Variants in NRBP2 observed in about 807,000 individuals in gnomAD.
The protein encoded by NRBP2 is nuclear receptor binding protein 2.
A neutral mutation model predicts 74.4 loss-of-function variants in NRBP2; 47 were observed. The observed-to-expected ratio is 0.63, with a 90% CI of 0.50 to 0.81. The LOEUF (loss-of-function observed/expected upper bound fraction) is 0.81, where lower values mean the gene tolerates loss of function less well. NRBP2 is among the 30% of genes least tolerant of loss of function. The probability of loss-of-function intolerance (pLI) is 0.00; values close to 1 mark genes in which losing one functional copy is unlikely to be tolerated. For synonymous variants in NRBP2, 312 were observed against 273.8 expected, an observed-to-expected ratio of 1.14 and a Z score of -1.38; for missense variants, 613 against 690.1, an observed-to-expected ratio of 0.89 and a Z score of 1.25.
chr8:143,830,265 C>CAGCG (rs1445423227), downstream of NRBP2, among the ~76,000 whole-genome samples: 5 of 152,368 alleles, frequency 3.3e-5, no homozygotes, highest in Admixed American at 3.3e-4. Context: ...GAAAGGTGGA[C>CAGCG]AGCGAGAGCT....
chr8:143,836,245 G>C (rs1554651754), intron 14 of NRBP2, 65 bp from the exon 15 acceptor site: 1 of 1,452,956 alleles, frequency 6.9e-7, no homozygotes, highest in African/African-American at 1.5e-5. Flanking sequence ...GGCCCCAAAG[G>C]GGCCGGGAAG....
downstream of NRBP2, among the ~76,000 whole-genome samples, chr8:143,831,126 A>G (rs1420775761): frequency 6.6e-6 from 1 of 152,220 alleles, no homozygotes; most frequent in African/African-American, 2.4e-5. Context: ...TCCCTTGGCA[A>G]TAATGTGCAC....
At position 143,835,184 on chromosome 8, in the gene NRBP2, G is replaced by A; in HGVS notation, c.*478C>T. 5.7e-6 allele frequency: 1 copy of A among 176,230 alleles called. No homozygotes were observed. The highest frequency in any genetic ancestry group is 1.2e-5 in the Non-Finnish European group (1 of 82,894). 10.9% of individuals were successfully genotyped at this position (176,230 alleles called of 1,614,324 possible). ...GACACCTGCAGGTGTGTCACCGCTG[G>A]CTTGCTGTGCAGGCTCCTTGTGTGG... On this transcript the variant is annotated 3_prime_UTR_variant, in exon 18 of 18. Transcript: ENST00000442628. The surrounding 1 kb of genome is among the most constrained non-coding windows in gnomAD (Gnocchi z 4.9).
chr8:143,840,712 C>T lies in NRBP2; in HGVS notation c.123G>A (p.Arg41=). 6.6e-7 allele frequency: 1 copy of T among 1,506,280 alleles called. No individual in the cohort carries two copies. The highest frequency in any genetic ancestry group is 8.8e-7 in the Non-Finnish European group (1 of 1,132,642). The allele number at this position is 1,506,280 out of a possible 1,614,324, so 93.3% of individuals were successfully genotyped here. The change falls in exon 1 of 18, where the codon CGG becomes CGA. Residue 41 remains arginine, a synonymous_variant. Coordinates refer to ENST00000442628, the MANE Select transcript of NRBP2 (RefSeq NM_178564.4). This position sits in a 1 kb window ranked among gnomAD's most constrained non-coding sequence, Gnocchi z 5.7. ...CCCCAACCCCCGCGCCCACCTGCTC[C>T]CGTCGCTTTTGCCAGCGACCACACG... ...ESPCGRWQKR[R]EQVNQGNMPG...
chr8:143,837,696 G>A lies in NRBP2; in HGVS notation c.900C>T (p.Leu300=), dbSNP rs140936906. 5.2e-5 allele frequency: 82 copies of A among 1,573,352 alleles called. No individual in the cohort carries two copies. In the African/African-American group the frequency reaches 1.0e-3, roughly 19 times the overall value. The part of the protein sequence containing the change: ...DPARRPSAHS[L]LFHRVLFEVH... The stretch of plus-strand genomic sequence containing the variant: ...CCTCGAAGAGCACGCGGTGGAAGAG[G>A]AGGCTGTGGGCAGAGGGCCGGCGGG... Residue 300 remains leucine (L), a synonymous_variant, in exon 11 of 18, where the codon CTC becomes CTT. Coordinates refer to ENST00000442628, the MANE Select transcript of NRBP2 (RefSeq NM_178564.4). The surrounding 1 kb of genome is among the most constrained non-coding windows in gnomAD (Gnocchi z 4.3).
At chr8:143,836,855 GAGTGCCC>G in intron 14 of NRBP2, among the ~76,000 whole-genome samples, 177 bp downstream of exon 14, 1 of 152,138 alleles carries the variant, frequency 6.6e-6, no homozygotes, top group East Asian at 1.9e-4. Flanking sequence ...CGGAAAAGGA[GAGTGCCC>G]AGCCTGTCCT....
At chr8:143,838,551 G>A in intron 10 of NRBP2, 129 bp downstream of exon 10, 1 of 680,792 alleles carries the variant, frequency 1.5e-6, no homozygotes, top group Admixed American at 2.4e-5. Flanking sequence ...TCTTTGGGAG[G>A]GGTGCAGTCA....
At position 143,839,321 on chromosome 8, in the gene NRBP2, G is replaced by A. The variant is rs782155540; in HGVS notation, c.573C>T (p.Ile191=). The change falls in exon 6 of 18, where the codon ATC becomes ATT. Residue 191 remains isoleucine (I), a synonymous_variant. Coordinates refer to ENST00000442628, the MANE Select transcript of NRBP2 (RefSeq NM_178564.4). This position sits in a 1 kb window ranked among gnomAD's most constrained non-coding sequence, Gnocchi z 5.1. ...IFIQHNGLIK[I]GSVWHRIFSN... is the part of the protein sequence containing the mutation. ...GCCCTGCCCCGCCAGCACCGGAGCC[G>A]ATCTTGATGAGGCCGTTGTGCTGAA... 35 of 1,408,092 alleles carry A rather than the reference G, an allele frequency of 2.5e-5. No homozygotes were observed. The South Asian group carries it at 3.3e-4, about 13-fold the overall frequency. 87.2% of individuals were successfully genotyped at this position (1,408,092 alleles called of 1,614,324 possible).
Position 143,836,055 on chromosome 8 carries a change from G to A in NRBP2, c.1318-25C>T, listed in dbSNP as rs368677790. On this transcript the variant is annotated intron_variant, in intron 15 of 17. Coordinates refer to ENST00000442628, the MANE Select transcript of NRBP2 (RefSeq NM_178564.4). ...GCTGGGGAGGCGGCGGGGCGTGGTC[G>A]GCTGGGGGTTCAGGGCTCCGCCACG... is the stretch of plus-strand genomic sequence containing the variant. 130 of 1,564,614 alleles carry A rather than the reference G, an allele frequency of 8.3e-5. 1 individual carries two copies. The Middle Eastern group carries it at 1.0e-3, about 12-fold the overall frequency.
rs782248138 is a variant in NRBP2, at chr8:143,839,204, G to A, written c.581-9C>T. 1 of 1,531,150 alleles carries A rather than the reference G, an allele frequency of 6.5e-7. No individual in the cohort carries two copies. The highest frequency in any genetic ancestry group is 1.2e-5 in the South Asian group (1 of 83,666). 94.8% of individuals were successfully genotyped at this position (1,531,150 alleles called of 1,614,324 possible). On this transcript the variant is annotated splice_polypyrimidine_tract_variant and intron_variant, in intron 6 of 17. Transcript: ENST00000442628. This position sits in a 1 kb window ranked among gnomAD's most constrained non-coding sequence, Gnocchi z 5.1. ...GAAGATTCGGTGCCACACTGCCAAG[G>A]GGCGGGAGAAAGAGTGGAGTTAGCT...
downstream of NRBP2, chr8:143,833,284 AAAAG>A (rs1243249682): frequency 6.6e-6 from 1 of 152,238 alleles, no homozygotes; most frequent in African/African-American, 2.4e-5. Context: ...CAAACCAAAA[AAAAG>A]GCAATTATTA....
In NRBP2 at chr8:143,837,518, A is replaced by G. The variant is rs1554652235; in HGVS notation, c.974-9T>C. The stretch of plus-strand genomic sequence containing the variant: ...ATTCTCAGGCATGAGGTCTGCGGCC[A>G]CAAGAGCATCAAGGCGGTGTGCTCA... On this transcript the variant is annotated splice_polypyrimidine_tract_variant and intron_variant, in intron 11 of 17. Transcript: ENST00000442628. The surrounding 1 kb of genome is among the most constrained non-coding windows in gnomAD (Gnocchi z 4.3). The G allele has an allele frequency of 6.2e-7, 1 of 1,607,284 alleles. No homozygotes were observed. Among genetic ancestry groups the G allele is most frequent in the Admixed American group, 1.7e-5 (1 of 59,472 alleles).
Position 143,840,670 on chromosome 8 carries a change from G to A in NRBP2, c.129+36C>T. 2.8e-6 allele frequency: 4 copies of A among 1,433,562 alleles called. No homozygotes were observed. The allele number at this position is 1,433,562 out of a possible 1,614,324, so 88.8% of individuals were successfully genotyped here. ...CTCCAGGCCCCTCCCGCTCTGGGAG[G>A]GCGGTGTCACCCCGTGCCCCAACCC... is the stretch of plus-strand genomic sequence containing the variant. On this transcript the variant is annotated intron_variant, in intron 1 of 17. Coordinates refer to ENST00000442628, the MANE Select transcript of NRBP2 (RefSeq NM_178564.4). The surrounding 1 kb of genome is among the most constrained non-coding windows in gnomAD (Gnocchi z 5.7).
chr8:143,831,821 GAA>G (rs1818174631), downstream of NRBP2, among the ~76,000 whole-genome samples: 2 of 152,002 alleles, frequency 1.3e-5, no homozygotes, highest in South Asian at 2.1e-4. Context: ...CAAAGAAAAA[GAA>G]GAGATCATAG....
chr8:143,838,243 C>T (rs570280977), intron 10 of NRBP2, among the ~76,000 whole-genome samples: 48 of 152,296 alleles, frequency 3.2e-4, no homozygotes, highest in African/African-American at 9.1e-4. Flanking sequence ...CATCCCATAC[C>T]TCTTTTTGCC....
In NRBP2 at chr8:143,839,385, G is replaced by GGGGGGCTGCAGGCGTGCA. The variant is rs1563864214; in HGVS notation, c.491_508dup (p.Leu164_Pro169dup). ...GCTGGTCAGGTTCCCGTGGATGATTGGGGGGCTGCAGGCGTGCAGGAAGCT... is the reference window on the plus strand; with the variant it reads ...GCTGGTCAGGTTCCCGTGGATGATTGGGGGGCTGCAGGCGTGCAGGGGGCTGCAGGCGTGCAGGAAGCT... On this transcript the variant is annotated inframe_insertion, in exon 6 of 18. Coordinates refer to ENST00000442628, the MANE Select transcript of NRBP2 (RefSeq NM_178564.4). This position sits in a 1 kb window ranked among gnomAD's most constrained non-coding sequence, Gnocchi z 5.1. The GGGGGGCTGCAGGCGTGCA allele has an allele frequency of 6.3e-7, 1 of 1,586,614 alleles. No individual in the cohort carries two copies. The highest frequency in any genetic ancestry group is 1.3e-5 in the African/African-American group (1 of 74,440).
chr8:143,830,049 G>A (rs1818083028), downstream of NRBP2, among the ~76,000 whole-genome samples: 1 of 152,202 alleles, frequency 6.6e-6, no homozygotes, highest in Non-Finnish European at 1.5e-5. Context: ...GTAAGCTCAG[G>A]CACCTTCAGC....
Position 143,837,818 on chromosome 8 carries a change from G to A in NRBP2, c.841-63C>T, listed in dbSNP as rs183186007. 1.1e-3 allele frequency: 1,683 copies of A among 1,543,902 alleles called. 1 individual carries two copies. The highest frequency in any genetic ancestry group is 1.8e-3 in the Middle Eastern group (11 of 5,984). ...GCTCTCTGCTCTGGCCCCGCAGTTC[G>A]AGGAGAGGTGGCCCCTGAGTTCCCC... On this transcript the variant is annotated intron_variant, in intron 10 of 17. Transcript: ENST00000442628. The surrounding 1 kb of genome is among the most constrained non-coding windows in gnomAD (Gnocchi z 4.3).
chr8:143,837,114 C>G lies in NRBP2; in HGVS notation c.1188G>C (p.Val396=), dbSNP rs782403821. ...AATRPLGLPR[V]LAPPPEEVQK... is the part of the protein sequence containing the mutation. The stretch of plus-strand genomic sequence containing the variant: ...GGACCTCCTCCGGGGGTGGGGCCAG[C>G]ACACGGGGCAGCCCCAGGGGTCGAG... The change falls in exon 14 of 18, where the codon GTG becomes GTC. Residue 396 remains valine, a synonymous_variant. Coordinates refer to ENST00000442628, the MANE Select transcript of NRBP2 (RefSeq NM_178564.4). The surrounding 1 kb of genome is among the most constrained non-coding windows in gnomAD (Gnocchi z 4.3). 1.9e-6 allele frequency: 3 copies of G among 1,612,660 alleles called. No homozygotes were observed. The East Asian group carries it at 6.7e-5, about 36-fold the overall frequency.
Sources: allele counts gnomAD v4.1 joint callset (sites outside exome capture counted in the v4.1 genomes callset), GRCh38; gene constraint gnomAD v4.1.1; non-coding constraint Gnocchi (gnomAD v3.1); transcripts MANE v1.5; gene names NCBI Gene and HGNC (gene_info 2026-07-23, HGNC 2026-07-21).